The following MAP3K20 variants were observed in gnomAD, a reference collection of about 807,000 sequenced individuals.
MAP3K20 encodes the protein mitogen-activated protein kinase kinase kinase 20.
A neutral mutation model predicts 85.7 loss-of-function variants in MAP3K20; 40 were observed. The ratio of observed to expected loss-of-function variants is 0.47; its 90% CI spans 0.36 to 0.61. The LOEUF is 0.61. MAP3K20 is among the 20% of genes least tolerant of loss of function. MAP3K20 has a pLI of 0.00. For missense variants in MAP3K20, 817 were observed against 961.7 expected, an observed-to-expected ratio of 0.85 and a Z score of 1.99; for synonymous variants, 325 against 327.7, an observed-to-expected ratio of 0.99 and a Z score of 0.09.
At chr2:173,180,410 C>G (rs188329138) in intron 3 of MAP3K20, among the ~76,000 whole-genome samples, 1 of 152,254 alleles carries the variant, frequency 6.6e-6, no homozygotes, top group East Asian at 1.9e-4. Flanking sequence ...TGGTGGCTCA[C>G]ACCTGTAATT....
chr2:173,125,113 C>A (rs181653589), intron 2 of MAP3K20, among the ~76,000 whole-genome samples: 1 of 152,272 alleles, frequency 6.6e-6, no homozygotes, highest in African/African-American at 2.4e-5. Context: ...GGCAGTTAAT[C>A]CACAACTTGC....
At chr2:173,121,634 G>C (rs566522549) in intron 2 of MAP3K20, among the ~76,000 whole-genome samples, 3 of 152,134 alleles carry the variant, frequency 2.0e-5, no homozygotes, top group Non-Finnish European at 4.4e-5. Flanking sequence ...TGATCCGCCC[G>C]CCTTGGCCTC....
intron 2 of MAP3K20, among the ~76,000 whole-genome samples, chr2:173,124,536 G>A (rs995541438): frequency 6.6e-6 from 1 of 152,180 alleles, no homozygotes; most frequent in Non-Finnish European, 1.5e-5. Context: ...TAGGGTGCTG[G>A]TGAGGCTTGA....
chr2:173,167,592 T>C (rs1223748693), intron 2 of MAP3K20, among the ~76,000 whole-genome samples: 1 of 152,180 alleles, frequency 6.6e-6, no homozygotes, highest in Non-Finnish European at 1.5e-5. Flanking sequence ...ACTGCAAATT[T>C]TTTTGCAAAA....
intron 2 of MAP3K20, among the ~76,000 whole-genome samples, chr2:173,098,307 A>C (rs77982698): frequency 0.014 from 2,167 of 152,322 alleles, 30 homozygotes; most frequent in South Asian, 0.03. Context: ...ATTTGGTACA[A>C]GTTGAGTATC....
At chr2:173,157,603 C>A (rs1243447384) in intron 2 of MAP3K20, among the ~76,000 whole-genome samples, 3 of 152,212 alleles carry the variant, frequency 2.0e-5, no homozygotes, top group Admixed American at 6.5e-5. Flanking sequence ...AATAATCAAA[C>A]TCTGTTTCAC....
At chr2:173,260,329 C>A (rs1685259255) in intron 17 of MAP3K20, among the ~76,000 whole-genome samples, 1 of 152,212 alleles carries the variant, frequency 6.6e-6, no homozygotes, top group Non-Finnish European at 1.5e-5. Context: ...GATCGCACCA[C>A]TGCACTCCAG....
chr2:173,129,515 T>G (rs1361956077), intron 2 of MAP3K20, among the ~76,000 whole-genome samples: 2 of 152,144 alleles, frequency 1.3e-5, no homozygotes, highest in African/African-American at 2.4e-5. Flanking sequence ...CATCTTACAA[T>G]CCATGAATAC....
chr2:173,249,648 G>C (rs980647097), intron 16 of MAP3K20, among the ~76,000 whole-genome samples: 2 of 152,156 alleles, frequency 1.3e-5, no homozygotes, highest in Non-Finnish European at 2.9e-5. Context: ...GCAGTGCTTA[G>C]GCAAGCGAGA....
rs1208582466 is a variant in MAP3K20 at position 173,126,646 on chromosome 2, C to T, written c.159+35456C>T. Among the ~76,000 whole-genome samples the T allele has an allele frequency of 3.3e-5, 5 of 152,190 alleles. No individual in the cohort carries two copies. The East Asian group carries it at 7.7e-4, about 23-fold the overall frequency. On this transcript the variant is annotated intron_variant, in intron 2 of 19. Transcript: ENST00000375213. ...CCACCCACCTCGGCCTCCCAAAGTGCTGGGATTACAGGCGTGAGCCACCGT... is the reference window on the plus strand; with the variant it reads ...CCACCCACCTCGGCCTCCCAAAGTGTTGGGATTACAGGCGTGAGCCACCGT...
chr2:173,110,503 AGATTTGGGT>A (rs979450554), intron 2 of MAP3K20, among the ~76,000 whole-genome samples: 2 of 151,520 alleles, frequency 1.3e-5, no homozygotes, highest in African/African-American at 4.9e-5. Context: ...GTGATTTGTG[AGATTTGGGT>A]GCCTCATTAC....
intron 2 of MAP3K20, among the ~76,000 whole-genome samples, chr2:173,164,807 CTG>C (rs1689766532): frequency 1.3e-5 from 2 of 152,180 alleles, no homozygotes; most frequent in South Asian, 4.1e-4. Context: ...CGTTTGGAAC[CTG>C]TGTGTTAGTC....
At chr2:173,190,824 G>T in intron 5 of MAP3K20, 71 bp from the exon 6 acceptor site, 4 of 1,340,710 alleles carry the variant, frequency 3.0e-6, no homozygotes, top group South Asian at 1.3e-5. Flanking sequence ...GAAGTTTATG[G>T]TTTTTTTCAG....
chr2:173,133,533 C>G (rs977333103), intron 2 of MAP3K20, among the ~76,000 whole-genome samples: 4 of 152,096 alleles, frequency 2.6e-5, no homozygotes, highest in East Asian at 1.9e-4. Flanking sequence ...AGCATACCTT[C>G]AGAGAATATG....
At chr2:173,205,147 C>A (rs944147462) in intron 9 of MAP3K20, among the ~76,000 whole-genome samples, 6 of 149,650 alleles carry the variant, frequency 4.0e-5, no homozygotes, top group Admixed American at 1.3e-4. Context: ...AAAACATATT[C>A]TCACAGATTA....
At chr2:173,210,677 T>C (rs1235728938) in intron 10 of MAP3K20, 1 of 152,210 alleles carries the variant, frequency 6.6e-6, no homozygotes, top group Admixed American at 6.5e-5. Flanking sequence ...TGACTATAAA[T>C]AGCATGTTTG....
chr2:173,082,556 A>G (rs1178220217), intron 1 of MAP3K20, among the ~76,000 whole-genome samples: 3 of 152,238 alleles, frequency 2.0e-5, no homozygotes, highest in African/African-American at 7.2e-5. Flanking sequence ...GCTGAGTAGC[A>G]GCAAGACCTA....
At chr2:173,222,690 T>C (rs1452007568) in intron 11 of MAP3K20, 1 of 985,244 alleles carries the variant, frequency 1.0e-6, no homozygotes, top group Non-Finnish European at 1.2e-6. Context: ...AAAGATAAGT[T>C]ATCCTCACTT....
At chr2:173,113,691 T>C (rs944865113) in intron 2 of MAP3K20, among the ~76,000 whole-genome samples, 2 of 152,196 alleles carry the variant, frequency 1.3e-5, no homozygotes, top group African/African-American at 4.8e-5. Context: ...TCCATGTATT[T>C]GCATGGTTTT....
Sources: allele counts gnomAD v4.1 joint callset (sites outside exome capture counted in the v4.1 genomes callset), GRCh38; gene constraint gnomAD v4.1.1; transcripts MANE v1.5; gene names NCBI Gene and HGNC (gene_info 2026-07-23, HGNC 2026-07-21).